Variants in MARCHF1 observed in about 807,000 individuals in gnomAD.
The protein encoded by MARCHF1 is membrane associated ring-CH-type finger 1.
MARCHF1 carries 40 observed loss-of-function variants against 54.2 expected under a neutral mutation model. The ratio of observed to expected loss-of-function variants is 0.74; its 90% CI spans 0.57 to 0.96. The LOEUF (loss-of-function observed/expected upper bound fraction) is 0.96. Among genes scored for constraint, MARCHF1 ranks in the 40% least tolerant of loss-of-function variants. The pLI is 0.00. For missense variants in MARCHF1, 586 were observed against 656.5 expected (o/e 0.89, Z 1.17); for synonymous variants, 236 against 236.3 (o/e 1.00, Z 0.01).
rs140766459 is a variant in MARCHF1 at position 163,792,288 on chromosome 4, C to T, written c.111+61733G>A. The stretch of plus-strand genomic sequence containing the variant: ...TAGCAAAATATAAAGGAAGTAAGAG[C>T]TACTTTTTAATAAACAGAATATTTA... On this transcript the variant is annotated intron_variant, in intron 4 of 9. Coordinates refer to ENST00000514618, the MANE Select transcript of MARCHF1 (RefSeq NM_001394959.1). Among the ~76,000 whole-genome samples, 7 of 152,164 alleles carry T rather than the reference C, an allele frequency of 4.6e-5. No homozygotes were observed. The South Asian group carries it at 1.5e-3, about 32-fold the overall frequency.
intron 4 of MARCHF1, among the ~76,000 whole-genome samples, chr4:163,782,461 A>G (rs1233516020): frequency 6.6e-6 from 1 of 152,094 alleles, no homozygotes; most frequent in Non-Finnish European, 1.5e-5. Flanking sequence ...ACTTGAGGCC[A>G]GAAGTTCAAG....
intron 3 of MARCHF1, among the ~76,000 whole-genome samples, chr4:163,937,061 C>G (rs1208212595): frequency 1.3e-5 from 2 of 152,168 alleles, no homozygotes; most frequent in South Asian, 4.1e-4. Flanking sequence ...TAAACTCTCA[C>G]GTATTCATCT....
At chr4:164,358,103 G>T (rs1415064229) in intron 1 of MARCHF1, among the ~76,000 whole-genome samples, 1 of 152,086 alleles carries the variant, frequency 6.6e-6, no homozygotes, top group Non-Finnish European at 1.5e-5. Context: ...CAAAAACTTA[G>T]AGCTTACATT....
intron 2 of MARCHF1, among the ~76,000 whole-genome samples, chr4:164,106,578 G>C (rs1186757053): frequency 1.4e-5 from 2 of 143,892 alleles, no homozygotes; most frequent in African/African-American, 5.4e-5. Context: ...AGATCACATG[G>C]ACACAGGAAG....
intron 4 of MARCHF1, among the ~76,000 whole-genome samples, chr4:163,717,147 TC>T (rs1561035739): frequency 1.5e-4 from 13 of 87,200 alleles, no homozygotes; most frequent in African/African-American, 5.7e-4. Context: ...CCCTCCCCCC[TC>T]CCCCCACCCC....
intron 3 of MARCHF1, chr4:163,933,030 G>T (rs879133181): frequency 1.4e-6 from 2 of 1,434,066 alleles, no homozygotes; most frequent in South Asian, 2.4e-5. Flanking sequence ...GGGGCTTGCG[G>T]TTAACTTTTC....
At chr4:164,017,253 A>G (rs1753562743) in intron 2 of MARCHF1, among the ~76,000 whole-genome samples, 1 of 152,094 alleles carries the variant, frequency 6.6e-6, no homozygotes, top group Non-Finnish European at 1.5e-5. Flanking sequence ...TTTCCCTGCA[A>G]CATTAGGAAT....
chr4:164,163,390 G>A (rs1479759253), intron 1 of MARCHF1, among the ~76,000 whole-genome samples: 1 of 151,966 alleles, frequency 6.6e-6, no homozygotes, highest in African/African-American at 2.4e-5. Context: ...TTGAAACCCT[G>A]AAGAACTTGC....
rs1560977888 is a variant in MARCHF1, at chr4:164,259,568, A to AAAAGAT, written c.-323+124301_-323+124302insATCTTT. On this transcript the variant is annotated intron_variant, in intron 1 of 9. Transcript: ENST00000514618. The stretch of plus-strand genomic sequence containing the variant: ...TCAAAAAAAAAAAAAAAAAAAAAGA[A>AAAAGAT]AAAAGAAAAAGAAAAAAGAAAAAAA... 2.1e-5 allele frequency among the ~76,000 whole-genome samples: 3 copies of AAAAGAT among 142,862 alleles called. No homozygotes were observed. The East Asian group carries it at 5.9e-4, about 28-fold the overall frequency. The allele number at this position is 142,862 out of a possible 152,430, so 93.7% of individuals were successfully genotyped here.
At chr4:164,243,765 C>T (rs1732851555) in intron 1 of MARCHF1, among the ~76,000 whole-genome samples, 1 of 152,150 alleles carries the variant, frequency 6.6e-6, no homozygotes, top group Non-Finnish European at 1.5e-5. Flanking sequence ...GGAGGAAGAT[C>T]CACCAAGCCA....
chr4:163,989,174 T>C lies in MARCHF1; in HGVS notation c.-247-465A>G, dbSNP rs544812431. 1.5e-4 allele frequency among the ~76,000 whole-genome samples: 23 copies of C among 152,228 alleles called. 1 individual carries two copies. Among genetic ancestry groups the C allele is most frequent in the African/African-American group, 5.5e-4 (23 of 41,540 alleles). ...GTGTCCTATTTGGAGCCAAATCTCTTCCTTGAGAAGCGCGGCTAGCTGGCT... is the reference window on the plus strand; with the variant it reads ...GTGTCCTATTTGGAGCCAAATCTCTCCCTTGAGAAGCGCGGCTAGCTGGCT... On this transcript the variant is annotated intron_variant, in intron 2 of 9. Transcript: ENST00000514618.
intron 3 of MARCHF1, among the ~76,000 whole-genome samples, chr4:163,962,387 G>A (rs1371218418): frequency 6.6e-6 from 1 of 151,802 alleles, no homozygotes; most frequent in Non-Finnish European, 1.5e-5. Context: ...ATTGGGGGTT[G>A]GGGCCAAAGG....
intron 3 of MARCHF1, among the ~76,000 whole-genome samples, chr4:163,975,172 T>G (rs1579433618): frequency 2.2e-5 from 1 of 45,830 alleles, no homozygotes; most frequent in Non-Finnish European, 3.8e-5. Flanking sequence ...AAGCTCTCTC[T>G]CTCTCTCTCT....
intron 4 of MARCHF1, among the ~76,000 whole-genome samples, chr4:163,757,117 A>G (rs1214885445): frequency 6.6e-6 from 1 of 152,256 alleles, no homozygotes; most frequent in Non-Finnish European, 1.5e-5. Context: ...TTGTTAAATC[A>G]GTAACGTTTG....
At chr4:163,727,044 C>T (rs760219577) in intron 4 of MARCHF1, among the ~76,000 whole-genome samples, 2 of 152,048 alleles carry the variant, frequency 1.3e-5, no homozygotes, top group Non-Finnish European at 2.9e-5. Context: ...CTTGGCAGTG[C>T]CTTTTGCAGC....
At chr4:164,045,072 G>GA (rs1006264251) in intron 2 of MARCHF1, among the ~76,000 whole-genome samples, 1 of 151,152 alleles carries the variant, frequency 6.6e-6, no homozygotes, top group African/African-American at 2.4e-5. Flanking sequence ...CTATACACTA[G>GA]AAAAAAATCA....
At chr4:164,063,111 T>C (rs59377358) in intron 2 of MARCHF1, among the ~76,000 whole-genome samples, 1,607 of 152,314 alleles carry the variant, frequency 0.011, 21 homozygotes, top group African/African-American at 0.036. Flanking sequence ...GTTCCATTTA[T>C]AGAACACAGG....
At chr4:164,050,864 C>T (rs887138064) in intron 2 of MARCHF1, among the ~76,000 whole-genome samples, 5 of 151,880 alleles carry the variant, frequency 3.3e-5, no homozygotes, top group South Asian at 2.1e-4. Context: ...ACCCAGGAGG[C>T]GGAGGTTGCG....
At chr4:164,226,214 CTAAT>C (rs1392652037) in intron 1 of MARCHF1, among the ~76,000 whole-genome samples, 4 of 151,892 alleles carry the variant, frequency 2.6e-5, no homozygotes, top group Admixed American at 1.3e-4. Flanking sequence ...TTCAAACAGA[CTAAT>C]TAATTACTGA....
Sources: allele counts gnomAD v4.1 joint callset (sites outside exome capture counted in the v4.1 genomes callset), GRCh38; gene constraint gnomAD v4.1.1; transcripts MANE v1.5; gene names NCBI Gene and HGNC (gene_info 2026-07-23, HGNC 2026-07-21).